Variants in NTM observed in about 807,000 individuals in gnomAD.
The protein encoded by NTM is neurotrimin.
In NTM, 13 loss-of-function variants were observed where a neutral mutation model predicts 42.1. The observed-to-expected ratio is 0.31, with a 90% confidence interval of 0.20 to 0.49. NTM has a LOEUF of 0.49. Among genes scored for constraint, NTM ranks in the 20% least tolerant of loss-of-function variants. The pLI, the probability that NTM is intolerant of heterozygous loss-of-function variation, is 0.99. For synonymous variants in NTM, 187 were observed against 179.2 expected (o/e 1.04, Z -0.35); for missense variants, 373 against 452.8 (o/e 0.82, Z 1.60).
chr11:132,016,515 T>C (rs752912584), intron 2 of NTM, among the ~76,000 whole-genome samples: 18 of 152,044 alleles, frequency 1.2e-4, no homozygotes, highest in Non-Finnish European at 2.5e-4. Context: ...ATTATAAAAG[T>C]ATAACACATT....
At chr11:131,875,732 G>A (rs2048443059) in intron 1 of NTM, among the ~76,000 whole-genome samples, 1 of 152,196 alleles carries the variant, frequency 6.6e-6, no homozygotes, top group African/African-American at 2.4e-5. Flanking sequence ...ATGATGATGA[G>A]TCTCCCTTCT....
At chr11:131,489,999 A>T (rs1351203877) in intron 1 of NTM, among the ~76,000 whole-genome samples, 1 of 152,214 alleles carries the variant, frequency 6.6e-6, no homozygotes, top group Non-Finnish European at 1.5e-5. Flanking sequence ...GCTTCCACTC[A>T]TGGTAGAAGA....
chr11:132,048,242 A>G (rs1594105471), intron 2 of NTM, among the ~76,000 whole-genome samples: 1 of 152,248 alleles, frequency 6.6e-6, no homozygotes, highest in East Asian at 1.9e-4. Flanking sequence ...TTAGACAGCA[A>G]TACCCCCCAT....
chr11:131,464,832 C>A (rs567342410), intron 1 of NTM, among the ~76,000 whole-genome samples: 1 of 152,286 alleles, frequency 6.6e-6, no homozygotes, highest in Admixed American at 6.5e-5. Flanking sequence ...TTGGTCGGAT[C>A]CTCCAGGTAC....
chr11:132,057,538 G>A (rs1484005830), intron 2 of NTM, among the ~76,000 whole-genome samples: 2 of 152,126 alleles, frequency 1.3e-5, no homozygotes, highest in Non-Finnish European at 2.9e-5. Flanking sequence ...TGTCCACCAC[G>A]AGTCCCCTTT....
intron 1 of NTM, among the ~76,000 whole-genome samples, chr11:131,471,624 G>T (rs990906402): frequency 2.6e-5 from 4 of 152,172 alleles, no homozygotes; most frequent in African/African-American, 9.7e-5. Context: ...GGCATTGGAG[G>T]TTGAGGTAAC....
intron 1 of NTM, among the ~76,000 whole-genome samples, chr11:131,848,842 G>A (rs977991862): frequency 6.6e-6 from 1 of 152,070 alleles, no homozygotes; most frequent in African/African-American, 2.4e-5. Flanking sequence ...TAGTGCAAGT[G>A]GAGTTTCAAC....
intron 2 of NTM, among the ~76,000 whole-genome samples, chr11:132,040,620 T>A (rs1229036201): frequency 6.6e-6 from 1 of 152,228 alleles, no homozygotes; most frequent in Admixed American, 6.5e-5. Context: ...CTCCTTATGC[T>A]AAGGGGTCTT....
rs759455831 is a variant in NTM, at chr11:131,767,558, G to C, written c.83-144006G>C. On this transcript the variant is annotated intron_variant, in intron 1 of 8. Coordinates refer to ENST00000683400, the MANE Select transcript of NTM (RefSeq NM_001352005.2). ...TCAAGAGGGAGAAGCACCCATGGCA[G>C]GATTTGTGAGTCATAAGAAAAGACA... Among the ~76,000 whole-genome samples the C allele has an allele frequency of 1.3e-3, 199 of 152,290 alleles. 4 individuals are homozygous for C. The highest frequency in any genetic ancestry group is 6.5e-4 in the Admixed American group (10 of 15,302).
intron 1 of NTM, among the ~76,000 whole-genome samples, chr11:131,480,739 G>A (rs905589970): frequency 4.0e-5 from 6 of 151,836 alleles, no homozygotes; most frequent in South Asian, 2.1e-4. Context: ...GGAGGTAACC[G>A]TGGTCTTCCA....
At chr11:131,896,053 T>C (rs187477952) in intron 1 of NTM, among the ~76,000 whole-genome samples, 110 of 152,294 alleles carry the variant, frequency 7.2e-4, no homozygotes, top group Admixed American at 8.5e-4. Context: ...AGTTGGGTCT[T>C]TATGTCATAG....
intron 1 of NTM, among the ~76,000 whole-genome samples, chr11:131,544,982 T>C (rs1404543290): frequency 6.6e-6 from 1 of 152,230 alleles, no homozygotes; most frequent in Non-Finnish European, 1.5e-5. Flanking sequence ...TTATTTTTGT[T>C]GTTCTTGTTA....
At chr11:131,381,213 A>G (rs943447539) in intron 1 of NTM, among the ~76,000 whole-genome samples, 6 of 152,156 alleles carry the variant, frequency 3.9e-5, no homozygotes, top group Non-Finnish European at 8.8e-5. Flanking sequence ...AAAAGAGGAA[A>G]ATGACTGGAT....
chr11:131,560,883 T>C (rs980316760), intron 1 of NTM, among the ~76,000 whole-genome samples: 1 of 152,224 alleles, frequency 6.6e-6, no homozygotes, highest in Non-Finnish European at 1.5e-5. Context: ...TGTAAGCACC[T>C]GCACAAGCCA....
intron 2 of NTM, among the ~76,000 whole-genome samples, chr11:131,961,232 T>C (rs2134506981): frequency 6.6e-6 from 1 of 152,310 alleles, no homozygotes; most frequent in Non-Finnish European, 1.5e-5. Context: ...ATTTATTTTG[T>C]CCTGTTGATT....
intron 1 of NTM, among the ~76,000 whole-genome samples, chr11:131,391,249 T>C (rs1169934704): frequency 6.6e-6 from 1 of 152,152 alleles, no homozygotes; most frequent in Admixed American, 6.5e-5. Flanking sequence ...TGTACCCTTA[T>C]TCATTCTCAC....
At chr11:132,070,710 G>A (rs1215260855) in intron 2 of NTM, among the ~76,000 whole-genome samples, 1 of 144,790 alleles carries the variant, frequency 6.9e-6, no homozygotes, top group Non-Finnish European at 1.5e-5. Context: ...TCACAGGTTA[G>A]TTAACACGTC....
At chr11:132,303,712 C>CAAA (rs139688601) in intron 4 of NTM, among the ~76,000 whole-genome samples, 4 of 113,160 alleles carry the variant, frequency 3.5e-5, no homozygotes, top group South Asian at 2.9e-4. Flanking sequence ...TTCTAGGTGA[C>CAAA]AAAAAAAAAA....
intron 1 of NTM, among the ~76,000 whole-genome samples, chr11:131,876,367 C>CAG: frequency 6.6e-6 from 1 of 152,202 alleles, no homozygotes; most frequent in African/African-American, 2.4e-5. Context: ...ACTGGGTCTC[C>CAG]TCCACTCATC....
Sources: gnomAD v4.1 joint callset for allele counts (sites outside exome capture counted in the v4.1 genomes callset) on GRCh38, gnomAD v4.1.1 for gene constraint, MANE v1.5 for transcripts, NCBI Gene and HGNC (gene_info 2026-07-23, HGNC 2026-07-21) for gene names.